PLXND1: variants seen among roughly 807,000 people sequenced by gnomAD.
The protein encoded by PLXND1 is plexin-D1.
Under a neutral mutation model 197.7 loss-of-function variants are expected in PLXND1, and 54 were observed. That is an observed-to-expected ratio of 0.27 (90% confidence interval 0.22 to 0.34). The LOEUF is 0.34. Ranked by LOEUF, PLXND1 falls within the 10% of genes least tolerant of loss-of-function variation. The probability of loss-of-function intolerance (pLI) is 1.00; values close to 1 mark genes in which losing one functional copy is unlikely to be tolerated. For synonymous variants in PLXND1, 1,180 were observed against 1,161.2 expected (o/e 1.02, Z -0.33); for missense variants, 2,127 against 2,699.2 (o/e 0.79, Z 4.70).
intron 1 of PLXND1, among the ~76,000 whole-genome samples, chr3:129,601,306 A>T (rs1348450516): frequency 1.3e-5 from 2 of 152,162 alleles, no homozygotes; most frequent in Non-Finnish European, 2.9e-5. Context: ...CTCACACTTC[A>T]GCAGCTTCTC....
rs371974138 is a variant in PLXND1 at position 129,572,634 on chromosome 3, C to G, written c.3052G>C (p.Asp1018His). The change falls in exon 15 of 36, where the codon GAC (aspartate) becomes CAC (histidine). Residue 1018 changes from aspartate (D) to histidine (H), a missense_variant. Physicochemically the swap from Asp to His is moderately conservative, Grantham distance 81 (BLOSUM62 -1). This residue lies in a region of PLXND1 where 1,095 missense variants were observed against 1,259.8 expected (regional missense o/e 0.87). Transcript: ENST00000324093. The stretch of plus-strand genomic sequence containing the variant: ...ATCAGCTCCGTGCAGGGGTCTGTGT[C>G]GTTCACCAGGACCTGGAGCTCGGAG... ...VGSELQVLVN[D>H]TDPCTELMRT... 1 of 1,589,458 alleles carries G rather than the reference C, an allele frequency of 6.3e-7. No individual in the cohort carries two copies. The highest frequency in any genetic ancestry group is 8.6e-7 in the Non-Finnish European group (1 of 1,167,902).
At chr3:129,556,904 G>A (rs890214638) in intron 34 of PLXND1, 179 bp downstream of exon 34, 9 of 745,786 alleles carry the variant, frequency 1.2e-5, no homozygotes, top group Admixed American at 2.6e-5. Flanking sequence ...TCCTGCCCCC[G>A]CTCCTCAAAC....
At chr3:129,595,092 C>G (rs2085600876) in intron 1 of PLXND1, among the ~76,000 whole-genome samples, 1 of 147,444 alleles carries the variant, frequency 6.8e-6, no homozygotes, top group Non-Finnish European at 1.5e-5. Flanking sequence ...CCTGGGCTCC[C>G]CTGAGTGGAG....
intron 30 of PLXND1, 22 bp downstream of exon 30, chr3:129,560,667 G>A (rs529493510): frequency 1.6e-5 from 25 of 1,588,406 alleles, no homozygotes; most frequent in African/African-American, 5.4e-5. Flanking sequence ...TGGATCCCCC[G>A]GGGCCGAGGT....
intron 7 of PLXND1, 56 bp from the exon 8 acceptor site, chr3:129,583,725 G>T: frequency 1.7e-6 from 2 of 1,201,434 alleles, no homozygotes; most frequent in Non-Finnish European, 1.2e-6. Flanking sequence ...ACTCATCCCT[G>T]TCCCAGGAAC....
intron 8 of PLXND1, among the ~76,000 whole-genome samples, chr3:129,581,564 G>C (rs1224409801): frequency 6.6e-6 from 1 of 152,244 alleles, no homozygotes; most frequent in East Asian, 1.9e-4. Flanking sequence ...TTTGTAGTGA[G>C]CATCTACTAT....
intron 8 of PLXND1, 39 bp downstream of exon 8, chr3:129,583,528 G>C (rs766100736): frequency 8.6e-6 from 11 of 1,275,842 alleles, no homozygotes; most frequent in South Asian, 4.9e-5. Flanking sequence ...AAAAGGTAAT[G>C]AAACAGCAGA....
intron 31 of PLXND1, 88 bp from the exon 32 acceptor site, chr3:129,559,871 T>A: frequency 8.7e-7 from 1 of 1,153,970 alleles, no homozygotes. Context: ...GAGCTTGAAA[T>A]GCCAGGCTGC....
chr3:129,571,210 G>A lies in PLXND1; in HGVS notation c.3430C>T (p.Arg1144Trp), dbSNP rs763027888. 44 of 1,614,142 alleles carry A rather than the reference G, an allele frequency of 2.7e-5. No individual in the cohort carries two copies. The Middle Eastern group carries it at 4.9e-4, about 18-fold the overall frequency. Residue 1144 changes from arginine (R) to tryptophan (W), a missense_variant, in exon 18 of 36, where the codon CGG becomes TGG. Coordinates refer to ENST00000324093, the MANE Select transcript of PLXND1 (RefSeq NM_015103.3). ...ACAGCCACCTCGTCTGCGTAGGCCC[G>A]CCCATTGATGAAGAAGTCCACTGGC... Reference protein sequence around the residue: ...SAPVDFFINGRAYADEVAVAE... With the variant: ...SAPVDFFINGWAYADEVAVAE...
At chr3:129,575,587 AG>A (rs1247415464) in intron 10 of PLXND1, 25 bp from the exon 11 acceptor site, 1 of 1,517,948 alleles carries the variant, frequency 6.6e-7, no homozygotes, top group African/African-American at 1.4e-5. Context: ...AAAAGAGCAT[AG>A]GGGGCATGGG....
chr3:129,575,281 G>A (rs1389754113), intron 11 of PLXND1, among the ~76,000 whole-genome samples, 188 bp downstream of exon 11: 4 of 152,162 alleles, frequency 2.6e-5, no homozygotes, highest in Non-Finnish European at 5.9e-5. Flanking sequence ...AACTATGCAC[G>A]GAGACCCCAA....
At position 129,606,024 on chromosome 3, in the gene PLXND1, G is replaced by T. The variant is rs1460630165; in HGVS notation, c.616C>A (p.Arg206Ser). ...GTGTACGTGGCGCCCACGAGCAGGC[G>T]GCTGCCCCCCGCGCCCGCGGCGGGA... ...LPPAAGAGGS[R>S]LLVGATYTGY... Residue 206 changes from arginine (R) to serine (S), a missense_variant, in exon 1 of 36, where the codon CGC (arginine) becomes AGC (serine). Around this residue, in one of 6 missense-constraint regions of PLXND1, gnomAD observed 1,095 missense variants for 1,259.8 expected, o/e 0.87. Transcript: ENST00000324093. 2 of 1,603,404 alleles carry T rather than the reference G, an allele frequency of 1.2e-6. No homozygotes were observed. The highest frequency in any genetic ancestry group is 1.3e-5 in the African/African-American group (1 of 74,774).
intron 19 of PLXND1, 65 bp downstream of exon 19, chr3:129,570,721 G>A: frequency 6.6e-7 from 1 of 1,520,768 alleles, no homozygotes; most frequent in South Asian, 1.1e-5. Flanking sequence ...GTGAGGGGCA[G>A]ATGCTTGGCA....
At chr3:129,602,341 C>T (rs945226447) in intron 1 of PLXND1, among the ~76,000 whole-genome samples, 5 of 152,200 alleles carry the variant, frequency 3.3e-5, no homozygotes, top group Non-Finnish European at 7.3e-5. Context: ...CACGCAGACC[C>T]CCTCGAGCCT....
At chr3:129,556,507 G>T in intron 35 of PLXND1, 79 bp from the exon 36 acceptor site, 3 of 1,350,814 alleles carry the variant, frequency 2.2e-6, no homozygotes, top group Non-Finnish European at 3.2e-6. Context: ...ACCCCTGAAC[G>T]TCTACCACGA....
intron 11 of PLXND1, 49 bp downstream of exon 11, chr3:129,575,420 C>T (rs1320932478): frequency 4.4e-6 from 5 of 1,140,950 alleles, no homozygotes; most frequent in Non-Finnish European, 6.5e-6. Flanking sequence ...TGAGCCCCAC[C>T]CACTGCACTG....
rs2085198909 is a variant in PLXND1, at chr3:129,569,911, C to T, written c.3797G>A (p.Gly1266Glu). The change falls in exon 20 of 36, where the codon GGG becomes GAG. Residue 1266 changes from glycine (G) to glutamate (E), a missense_variant. Transcript: ENST00000324093. ...CACGATGATGGCCGTCTCGCTGCCC[C>T]CCAGCTGCAGTGTGGCGATGGTCTG... The part of the protein sequence containing the change: ...FNQTIATLQL[G>E]GSETAIIVSI... 31 of 1,613,568 alleles carry T rather than the reference C, an allele frequency of 1.9e-5. No homozygotes were observed. Among genetic ancestry groups the T allele is most frequent in the Non-Finnish European group, 2.5e-5 (30 of 1,179,602 alleles).
At chr3:129,590,559 G>A (rs367882259) in intron 1 of PLXND1, among the ~76,000 whole-genome samples, 7 of 152,286 alleles carry the variant, frequency 4.6e-5, no homozygotes, top group East Asian at 1.9e-4. Context: ...CCCCCATCCC[G>A]CAGTGACGCC....
At chr3:129,571,950 A>C in intron 15 of PLXND1, 106 bp from the exon 16 acceptor site, 1 of 1,063,728 alleles carries the variant, frequency 9.4e-7, no homozygotes, top group South Asian at 1.5e-5. Context: ...CCTGGGGTTC[A>C]AGGCCTCCTT....
Sources: allele counts gnomAD v4.1 joint callset (sites outside exome capture counted in the v4.1 genomes callset), GRCh38; gene constraint gnomAD v4.1.1; regional missense constraint gnomAD v4.1.1; transcripts MANE v1.5; gene names NCBI Gene and HGNC (gene_info 2026-07-23, HGNC 2026-07-21).